Variants in LMBR1 observed in about 807,000 individuals in gnomAD.
The protein encoded by LMBR1 is limb region 1 protein homolog.
In LMBR1, 52 loss-of-function variants were observed where a neutral mutation model predicts 73.9. The ratio of observed to expected loss-of-function variants is 0.70; its 90% confidence interval spans 0.56 to 0.89. LMBR1 has a LOEUF of 0.89. Ranked by LOEUF, LMBR1 falls within the 40% of genes least tolerant of loss-of-function variation. The pLI, the probability that LMBR1 is intolerant of heterozygous loss-of-function variation, is 0.00. For synonymous variants in LMBR1, 215 were observed against 209.4 expected, an observed-to-expected ratio of 1.03 and a Z score of -0.23; for missense variants, 539 against 579.8, an observed-to-expected ratio of 0.93 and a Z score of 0.72.
At chr7:156,815,904 G>A (rs1833835007) in intron 4 of LMBR1, among the ~76,000 whole-genome samples, 1 of 151,094 alleles carries the variant, frequency 6.6e-6, no homozygotes, top group Non-Finnish European at 1.5e-5. Flanking sequence ...TGTATAAAAG[G>A]GACATGTATG....
intron 5 of LMBR1, among the ~76,000 whole-genome samples, chr7:156,788,139 G>A (rs1408640917): frequency 2.0e-5 from 3 of 152,110 alleles, no homozygotes; most frequent in African/African-American, 4.8e-5. Context: ...TGTGCTATAC[G>A]AAAGTTTTCA....
chr7:156,892,610 G>T, intron 1 of LMBR1: 1 of 251,834 alleles, frequency 4.0e-6, no homozygotes, highest in South Asian at 1.4e-4. Flanking sequence ...CCGCGGGAAG[G>T]GAAGGGCAGC....
intron 9 of LMBR1, among the ~76,000 whole-genome samples, chr7:156,748,200 C>A (rs1450204129): frequency 6.6e-6 from 1 of 152,084 alleles, no homozygotes; most frequent in Non-Finnish European, 1.5e-5. Context: ...TGAGATCCAA[C>A]AAAACTGTGA....
chr7:156,859,045 G>A (rs1797366261), intron 1 of LMBR1, among the ~76,000 whole-genome samples: 1 of 152,124 alleles, frequency 6.6e-6, no homozygotes, highest in Non-Finnish European at 1.5e-5. Flanking sequence ...CCTGAGGTCA[G>A]GAGTTTGAGA....
intron 15 of LMBR1, among the ~76,000 whole-genome samples, chr7:156,719,087 C>T (rs1585357527): frequency 6.6e-6 from 1 of 151,406 alleles, no homozygotes; most frequent in African/African-American, 2.4e-5. Context: ...CACCCATTAA[C>T]TCGTCATTTA....
chr7:156,720,169 A>G (rs1423731222), intron 15 of LMBR1, among the ~76,000 whole-genome samples: 1 of 151,770 alleles, frequency 6.6e-6, no homozygotes, highest in Middle Eastern at 3.2e-3. Context: ...TGAACAGGCA[A>G]CCTACAAAAT....
At chr7:156,801,394 G>C (rs569471382) in intron 4 of LMBR1, among the ~76,000 whole-genome samples, 141 of 152,280 alleles carry the variant, frequency 9.3e-4, no homozygotes, top group Non-Finnish European at 1.6e-3. Flanking sequence ...TGGCATTATA[G>C]TGTTAAGTAT....
At chr7:156,700,377 C>T (rs1354900891) in intron 15 of LMBR1, among the ~76,000 whole-genome samples, 1 of 139,574 alleles carries the variant, frequency 7.2e-6, no homozygotes, top group African/African-American at 2.8e-5. Flanking sequence ...GAACATCACT[C>T]ACCTCGGACT....
At chr7:156,697,762 C>T (rs1190893089) in intron 15 of LMBR1, among the ~76,000 whole-genome samples, 2 of 152,176 alleles carry the variant, frequency 1.3e-5, no homozygotes, top group Non-Finnish European at 2.9e-5. Flanking sequence ...GCACTGATTT[C>T]ATATTGTTCA....
At chr7:156,740,777 G>A (rs1253903347) in intron 9 of LMBR1, among the ~76,000 whole-genome samples, 1 of 152,156 alleles carries the variant, frequency 6.6e-6, no homozygotes, top group East Asian at 1.9e-4. Flanking sequence ...AGAAAAGAAT[G>A]TTAATGAGCC....
At chr7:156,779,755 T>G in intron 5 of LMBR1, 1 of 1,180,920 alleles carries the variant, frequency 8.5e-7, no homozygotes. Context: ...TAAAAACCAC[T>G]TCATACACTA....
At chr7:156,858,186 A>T (rs6962761) in intron 1 of LMBR1, among the ~76,000 whole-genome samples, 1 of 152,184 alleles carries the variant, frequency 6.6e-6, no homozygotes, top group South Asian at 2.1e-4. Context: ...AAATTGATAA[A>T]CCTCTAGCCA....
chr7:156,675,678 C>A (rs376370729), downstream of LMBR1: 9 of 1,591,296 alleles, frequency 5.7e-6, no homozygotes, highest in Non-Finnish European at 7.8e-6. Flanking sequence ...AGCTTACCCG[C>A]CCCCGCCTCC....
intron 15 of LMBR1, among the ~76,000 whole-genome samples, chr7:156,697,206 T>C (rs1028670277): frequency 1.3e-5 from 2 of 152,078 alleles, no homozygotes; most frequent in Admixed American, 1.3e-4. Context: ...AGGGAGTAGG[T>C]ACAAAGATCA....
intron 1 of LMBR1, among the ~76,000 whole-genome samples, chr7:156,880,078 G>A (rs1175732346): frequency 6.6e-6 from 1 of 152,184 alleles, no homozygotes; most frequent in Non-Finnish European, 1.5e-5. Flanking sequence ...ATGTGCAGTT[G>A]CAAAAATGTG....
At chr7:156,771,437 T>C (rs1444139842) in intron 5 of LMBR1, among the ~76,000 whole-genome samples, 1 of 152,160 alleles carries the variant, frequency 6.6e-6, no homozygotes, top group Non-Finnish European at 1.5e-5. Flanking sequence ...TCAGGGACTA[T>C]TATGAACACT....
chr7:156,783,017 T>C (rs763725839), intron 5 of LMBR1, among the ~76,000 whole-genome samples: 2 of 152,240 alleles, frequency 1.3e-5, no homozygotes, highest in Non-Finnish European at 2.9e-5. Context: ...TTCTTCAAAA[T>C]TGCTCCGGCT....
At chr7:156,718,672 G>T (rs1398091402) in intron 15 of LMBR1, among the ~76,000 whole-genome samples, 1 of 152,128 alleles carries the variant, frequency 6.6e-6, no homozygotes, top group Non-Finnish European at 1.5e-5. Flanking sequence ...AGGAAGTTGA[G>T]GCTGCAGTGA....
intron 5 of LMBR1, among the ~76,000 whole-genome samples, chr7:156,781,189 TAA>T (rs1363760957): frequency 6.6e-6 from 1 of 152,192 alleles, no homozygotes; most frequent in Admixed American, 6.5e-5. Context: ...TAAAAGATAT[TAA>T]GTTTTAAAAT....
Sources: allele counts gnomAD v4.1 joint callset (sites outside exome capture counted in the v4.1 genomes callset), GRCh38; gene constraint gnomAD v4.1.1; transcripts MANE v1.5; gene names NCBI Gene and HGNC (gene_info 2026-07-23, HGNC 2026-07-21).